The following ERBB4 variants were observed in gnomAD, a reference collection of about 807,000 sequenced individuals.
ERBB4 encodes the protein receptor tyrosine-protein kinase erbB-4.
A neutral mutation model predicts 158.0 loss-of-function variants in ERBB4; 42 were observed. The ratio of observed to expected loss-of-function variants is 0.27; its 90% CI spans 0.21 to 0.34. ERBB4 has a LOEUF of 0.34. Among genes scored for constraint, ERBB4 ranks in the 10% least tolerant of loss-of-function variants. ERBB4 has a pLI of 1.00. For synonymous variants in ERBB4, 583 were observed against 558.7 expected (o/e 1.04, Z -0.61); for missense variants, 1,333 against 1,624.1 (o/e 0.82, Z 3.08).
chr2:211,819,501 C>T (rs972390050), intron 3 of ERBB4, among the ~76,000 whole-genome samples: 2 of 151,826 alleles, frequency 1.3e-5, no homozygotes, highest in African/African-American at 4.8e-5. Flanking sequence ...CCAGAATTTG[C>T]AGAAAATAGA....
chr2:211,815,865 T>C (rs1166965967), intron 3 of ERBB4, among the ~76,000 whole-genome samples: 1 of 152,146 alleles, frequency 6.6e-6, no homozygotes, highest in African/African-American at 2.4e-5. Flanking sequence ...CCTCTCACTC[T>C]CCCTTTGCTG....
chr2:212,469,897 C>T (rs1031288814), intron 1 of ERBB4, among the ~76,000 whole-genome samples: 11 of 152,146 alleles, frequency 7.2e-5, no homozygotes, highest in African/African-American at 7.2e-5. Context: ...CTCCTCTTTT[C>T]GGATGGAACA....
intron 1 of ERBB4, among the ~76,000 whole-genome samples, chr2:212,301,192 C>G (rs2086608369): frequency 6.7e-6 from 1 of 150,234 alleles, no homozygotes; most frequent in Non-Finnish European, 1.5e-5. Context: ...CTGCCTTCAT[C>G]TTACCATGTC....
intron 12 of ERBB4, among the ~76,000 whole-genome samples, chr2:211,696,162 G>A (rs2073016649): frequency 6.6e-6 from 1 of 151,004 alleles, no homozygotes; most frequent in Non-Finnish European, 1.5e-5. Context: ...CCAGGCTGAA[G>A]TGCAATGGTG....
chr2:211,773,087 A>G (rs2106274286), intron 4 of ERBB4, among the ~76,000 whole-genome samples: 1 of 150,270 alleles, frequency 6.7e-6, no homozygotes, highest in Non-Finnish European at 1.5e-5. Flanking sequence ...CTTGTCAATA[A>G]CTGGTTTTAT....
intron 20 of ERBB4, among the ~76,000 whole-genome samples, chr2:211,473,113 T>C (rs566936998): frequency 6.6e-6 from 1 of 152,030 alleles, no homozygotes; most frequent in African/African-American, 2.4e-5. Flanking sequence ...CTGCATTATC[T>C]AGGTGGGCTT....
intron 1 of ERBB4, among the ~76,000 whole-genome samples, chr2:212,401,924 C>T (rs1409961733): frequency 6.6e-6 from 1 of 152,062 alleles, no homozygotes; most frequent in Non-Finnish European, 1.5e-5. Flanking sequence ...TATATTACTA[C>T]TGGGAATATA....
chr2:212,297,285 T>C lies in ERBB4; in HGVS notation c.83-172382A>G, dbSNP rs540422802. Among the ~76,000 whole-genome samples, 4 of 152,164 alleles carry C rather than the reference T, an allele frequency of 2.6e-5. No homozygotes were observed. In the East Asian group the frequency reaches 7.8e-4, roughly 30 times the overall value. On this transcript the variant is annotated intron_variant, in intron 1 of 27. Transcript: ENST00000342788. ...AATTAAAATTAATGTGTGTGTATGG[T>C]ACATGTTTGCACAAAAACCACTTCA...
intron 1 of ERBB4, among the ~76,000 whole-genome samples, chr2:212,214,800 T>A (rs545198188): frequency 1.4e-4 from 22 of 151,826 alleles, no homozygotes; most frequent in African/African-American, 5.3e-4. Flanking sequence ...AAAATACACG[T>A]ACACAATGTT....
intron 1 of ERBB4, among the ~76,000 whole-genome samples, chr2:212,204,059 T>G (rs976752178): frequency 6.6e-6 from 1 of 152,216 alleles, no homozygotes; most frequent in African/African-American, 2.4e-5. Flanking sequence ...AAACATTAAA[T>G]CACTTTAATT....
chr2:212,378,412 C>T (rs1400363881), intron 1 of ERBB4, among the ~76,000 whole-genome samples: 1 of 151,852 alleles, frequency 6.6e-6, no homozygotes, highest in African/African-American at 2.4e-5. Flanking sequence ...GGTACTCACA[C>T]TATCAGGAAA....
At chr2:211,727,455 T>C (rs2074302871) in intron 5 of ERBB4, among the ~76,000 whole-genome samples, 1 of 152,070 alleles carries the variant, frequency 6.6e-6, no homozygotes, top group Non-Finnish European at 1.5e-5. Flanking sequence ...TAATACACAA[T>C]ATAAGGCAGT....
chr2:212,388,954 A>T (rs2090766076), intron 1 of ERBB4, among the ~76,000 whole-genome samples: 1 of 152,164 alleles, frequency 6.6e-6, no homozygotes, highest in Admixed American at 6.6e-5. Flanking sequence ...ATCTCTAAAT[A>T]TAATTCAACT....
rs144054010 is a variant in ERBB4 at position 211,506,965 on chromosome 2, C to T, written c.2487+54938G>A. ...TGAAAGGCTAAATGAAGTCATTAGA[C>T]TGCTAGCTAGTTTAACGAAGAAAAA... On this transcript the variant is annotated intron_variant, in intron 20 of 27. Transcript: ENST00000342788. 8.8e-3 allele frequency among the ~76,000 whole-genome samples: 1,346 copies of T among 152,154 alleles called. 16 individuals are homozygous for T. Among genetic ancestry groups the T allele is most frequent in the African/African-American group, 0.03 (1,265 of 41,516 alleles).
intron 2 of ERBB4, among the ~76,000 whole-genome samples, chr2:211,989,563 C>A (rs2082020089): frequency 6.6e-6 from 1 of 151,574 alleles, no homozygotes; most frequent in African/African-American, 2.4e-5. Flanking sequence ...TTCTTGTCCC[C>A]TTTTTCAATT....
chr2:212,506,599 G>A (rs1425085562), intron 1 of ERBB4, among the ~76,000 whole-genome samples: 5 of 151,388 alleles, frequency 3.3e-5, no homozygotes, highest in Non-Finnish European at 5.9e-5. Context: ...CTGGATAGAA[G>A]ATCAAACCAG....
chr2:211,651,914 C>T (rs2071003333), intron 16 of ERBB4, among the ~76,000 whole-genome samples: 1 of 152,144 alleles, frequency 6.6e-6, no homozygotes, highest in South Asian at 2.1e-4. Context: ...CCCAGCTATG[C>T]CATGCCTGTA....
At chr2:211,715,616 G>T (rs1297270392) in intron 7 of ERBB4, among the ~76,000 whole-genome samples, 1 of 152,122 alleles carries the variant, frequency 6.6e-6, no homozygotes, top group Non-Finnish European at 1.5e-5. Flanking sequence ...CATCCCTCTT[G>T]GTGTTGTCGT....
intron 1 of ERBB4, among the ~76,000 whole-genome samples, chr2:212,188,231 TCTCCCCCCCC>T (rs2082079779): frequency 4.5e-5 from 1 of 22,006 alleles, no homozygotes; most frequent in Non-Finnish European, 8.4e-5. Context: ...TCTCTCTCTC[TCTCCCCCCCC>T]CTCTCACCCC....
Sources: allele counts gnomAD v4.1 joint callset (sites outside exome capture counted in the v4.1 genomes callset), GRCh38; gene constraint gnomAD v4.1.1; transcripts MANE v1.5; gene names NCBI Gene and HGNC (gene_info 2026-07-23, HGNC 2026-07-21).